Variants in DPYSL5 observed in about 807,000 individuals in gnomAD.
DPYSL5 encodes the protein dihydropyrimidinase-related protein 5.
In DPYSL5, 9 loss-of-function variants were observed where a neutral mutation model predicts 58.4. The ratio of observed to expected loss-of-function variants is 0.15; its 90% CI spans 0.09 to 0.27. The LOEUF is 0.27. DPYSL5 is among the 10% of genes least tolerant of loss of function. DPYSL5 has a pLI of 1.00. For synonymous variants in DPYSL5, 293 were observed against 301.9 expected (o/e 0.97, Z 0.31); for missense variants, 499 against 770.6 (o/e 0.65, Z 4.17).
intron 1 of DPYSL5, among the ~76,000 whole-genome samples, chr2:26,873,634 A>G (rs997690514): frequency 2.6e-5 from 4 of 152,260 alleles, no homozygotes; most frequent in African/African-American, 9.6e-5. Context: ...GATGGTCTGC[A>G]GGCGAAATCC....
At position 26,927,837 on chromosome 2, in the gene DPYSL5, C is replaced by T. The variant is rs1444994375; in HGVS notation, c.600+405C>T. On this transcript the variant is annotated intron_variant, in intron 4 of 12. Transcript: ENST00000288699. This position sits in a 1 kb window ranked among gnomAD's most constrained non-coding sequence, Gnocchi z 4.3. ...ACATTAAAGAGATCTATTCATGGCA[C>T]CAGGAAGGATAAGCCTCTGGTGCAT... Among the ~76,000 whole-genome samples the T allele has an allele frequency of 6.6e-6, 1 of 152,128 alleles. No individual in the cohort carries two copies. The highest frequency in any genetic ancestry group is 1.5e-5 in the Non-Finnish European group (1 of 68,030).
In DPYSL5 at chr2:26,947,355, C is replaced by A. The variant is rs2148181424; in HGVS notation, c.*360C>A. 5.3e-6 allele frequency: 1 copy of A among 188,112 alleles called. No homozygotes were observed. The highest frequency in any genetic ancestry group is 1.4e-4 in the South Asian group (1 of 7,042). The allele number at this position is 188,112 out of a possible 1,614,324, so 11.7% of individuals were successfully genotyped here. A position where few individuals can be genotyped will look rare whatever the true frequency, so the allele number is the denominator to read the frequency against. On this transcript the variant is annotated 3_prime_UTR_variant, in exon 13 of 13. Coordinates refer to ENST00000288699, the MANE Select transcript of DPYSL5 (RefSeq NM_020134.4). The surrounding 1 kb of genome is among the most constrained non-coding windows in gnomAD (Gnocchi z 4.2). ...GGAAAGCCCAGACTTTAGTGCCCTG[C>A]CCCCTGGCTGACTGGCCAGTTGCCC...
intron 6 of DPYSL5, among the ~76,000 whole-genome samples, chr2:26,932,353 C>G (rs911967693): frequency 1.3e-5 from 2 of 152,190 alleles, no homozygotes; most frequent in African/African-American, 4.8e-5. Context: ...TTGCATTCAC[C>G]CTTCTCACCA....
intron 2 of DPYSL5, among the ~76,000 whole-genome samples, chr2:26,902,952 G>A (rs1238592646): frequency 2.6e-5 from 4 of 152,062 alleles, no homozygotes; most frequent in African/African-American, 7.2e-5. Context: ...AAGGAGGCAC[G>A]AATAATCCAC....
chr2:26,927,223 C>T lies in DPYSL5; in HGVS notation c.421-30C>T, dbSNP rs372605725. The T allele has an allele frequency of 5.9e-5, 94 of 1,595,738 alleles. No homozygotes were observed. The highest frequency in any genetic ancestry group is 1.7e-4 in the Middle Eastern group (1 of 6,054). On this transcript the variant is annotated intron_variant, in intron 3 of 12. Transcript: ENST00000288699. The surrounding 1 kb of genome is among the most constrained non-coding windows in gnomAD (Gnocchi z 4.3). ...TCGGCCTCTTGGGTGTCTGCCCTCA[C>T]GCAGCATTGCCCTTCTACTTGTTCT...
At chr2:26,887,391 C>T (rs895593499) in intron 1 of DPYSL5, among the ~76,000 whole-genome samples, 5 of 152,230 alleles carry the variant, frequency 3.3e-5, no homozygotes, top group Admixed American at 6.5e-5. Flanking sequence ...CAGGGGCAGC[C>T]GTGCAGGCCA....
intron 1 of DPYSL5, among the ~76,000 whole-genome samples, chr2:26,854,983 A>C (rs920376229): frequency 3.3e-5 from 5 of 151,750 alleles, no homozygotes; most frequent in African/African-American, 9.7e-5. Flanking sequence ...ACACCCAGCT[A>C]ATTTTTGTAT....
chr2:26,935,028 G>A (rs902330355), intron 8 of DPYSL5, among the ~76,000 whole-genome samples: 1 of 152,182 alleles, frequency 6.6e-6, no homozygotes, highest in Non-Finnish European at 1.5e-5. Flanking sequence ...AGCCCAGTGG[G>A]GAGCTGCAGA....
At chr2:26,911,537 T>C (rs1664442142) in intron 2 of DPYSL5, among the ~76,000 whole-genome samples, 1 of 152,164 alleles carries the variant, frequency 6.6e-6, no homozygotes, top group Non-Finnish European at 1.5e-5. Flanking sequence ...TTGATGTAAA[T>C]ATATTGTCTT....
intron 2 of DPYSL5, among the ~76,000 whole-genome samples, chr2:26,906,339 A>C (rs1425804404): frequency 6.6e-6 from 1 of 151,574 alleles, no homozygotes; most frequent in African/African-American, 2.4e-5. Context: ...GCCTGCCACC[A>C]CGCCCAGCTA....
At chr2:26,879,108 T>C (rs1663488304) in intron 1 of DPYSL5, among the ~76,000 whole-genome samples, 1 of 152,188 alleles carries the variant, frequency 6.6e-6, no homozygotes, top group Non-Finnish European at 1.5e-5. Context: ...GCCTCCATGA[T>C]CTGATTTGCA....
At chr2:26,897,251 A>G (rs565195425) in intron 1 of DPYSL5, among the ~76,000 whole-genome samples, 2 of 152,314 alleles carry the variant, frequency 1.3e-5, no homozygotes, top group South Asian at 4.1e-4. Context: ...CTGTAGAGGA[A>G]AGTATTTAGC....
chr2:26,942,486 C>T lies in DPYSL5; in HGVS notation c.1233-57C>T. On this transcript the variant is annotated intron_variant, in intron 10 of 12. Coordinates refer to ENST00000288699, the MANE Select transcript of DPYSL5 (RefSeq NM_020134.4). This position sits in a 1 kb window ranked among gnomAD's most constrained non-coding sequence, Gnocchi z 5.9. ...TTTGGGGCTCACCCCTCCCATGGAG[C>T]TGTGACATTTTGACCTGTCCTCAGC... The T allele has an allele frequency of 6.5e-7, 1 of 1,537,232 alleles. No homozygotes were observed. Among genetic ancestry groups the T allele is most frequent in the Non-Finnish European group, 8.9e-7 (1 of 1,127,562 alleles).
At position 26,939,948 on chromosome 2, in the gene DPYSL5, G is replaced by A. The variant is rs943631862; in HGVS notation, c.948-83G>A. On this transcript the variant is annotated intron_variant, in intron 8 of 12. Transcript: ENST00000288699. ...GTCGGCTTTGCCTGCTTCCCACACG[G>A]AGGATTTTCCCTATATCTATCCTCA... is the stretch of plus-strand genomic sequence containing the variant. The A allele has an allele frequency of 2.5e-6, 4 of 1,572,182 alleles. No homozygotes were observed. The African/African-American group carries it at 5.4e-5, about 21-fold the overall frequency.
At position 26,942,157 on chromosome 2, in the gene DPYSL5, A is replaced by G; in HGVS notation, c.1232+65A>G. 6.2e-7 allele frequency: 1 copy of G among 1,600,444 alleles called. No individual in the cohort carries two copies. Among genetic ancestry groups the G allele is most frequent in the Admixed American group, 1.7e-5 (1 of 57,842 alleles). On this transcript the variant is annotated intron_variant, in intron 10 of 12. Transcript: ENST00000288699. This position sits in a 1 kb window ranked among gnomAD's most constrained non-coding sequence, Gnocchi z 5.9. ...GGATTTTGAAGAAGACTTGCATTAC[A>G]GATCTCCAAAAGCATATAATTTTGC...
At chr2:26,875,244 G>A (rs1018369973) in intron 1 of DPYSL5, among the ~76,000 whole-genome samples, 1 of 151,900 alleles carries the variant, frequency 6.6e-6, no homozygotes, top group Non-Finnish European at 1.5e-5. Flanking sequence ...ACAGACACTG[G>A]AGAACCTGCA....
At chr2:26,906,399 G>T (rs998420793) in intron 2 of DPYSL5, among the ~76,000 whole-genome samples, 1 of 152,018 alleles carries the variant, frequency 6.6e-6, no homozygotes, top group African/African-American at 2.4e-5. Context: ...GGCCAGGATG[G>T]TCTCTATCTC....
At chr2:26,867,249 G>T (rs1407057289) in intron 1 of DPYSL5, among the ~76,000 whole-genome samples, 1 of 152,024 alleles carries the variant, frequency 6.6e-6, no homozygotes, top group Admixed American at 6.5e-5. Context: ...GGGTGTCCAG[G>T]GTACATGCAT....
chr2:26,854,167 G>T (rs1241359079), intron 1 of DPYSL5, among the ~76,000 whole-genome samples: 1 of 152,076 alleles, frequency 6.6e-6, no homozygotes, highest in Non-Finnish European at 1.5e-5. Flanking sequence ...TTGACACAAA[G>T]AACTAACTAG....
Sources: allele counts gnomAD v4.1 joint callset (sites outside exome capture counted in the v4.1 genomes callset), GRCh38; gene constraint gnomAD v4.1.1; non-coding constraint Gnocchi (gnomAD v3.1); transcripts MANE v1.5; gene names NCBI Gene and HGNC (gene_info 2026-07-23, HGNC 2026-07-21).